MYO10: variants seen among roughly 807,000 people sequenced by gnomAD.
MYO10 encodes myosin X, also known as unconventional myosin-X.
In MYO10, 133 loss-of-function variants were observed where a neutral mutation model predicts 257.3. The observed-to-expected ratio is 0.52, with a 90% CI of 0.45 to 0.60. The LOEUF (loss-of-function observed/expected upper bound fraction) is 0.60. Ranked by LOEUF, MYO10 falls within the 20% of genes least tolerant of loss-of-function variation. The pLI is 0.00. For missense variants in MYO10, 2,399 were observed against 2,635.7 expected (o/e 0.91, Z 1.97); for synonymous variants, 1,104 against 1,028.6 (o/e 1.07, Z -1.40).
chr5:16,704,358 C>T (rs535515611), intron 22 of MYO10, among the ~76,000 whole-genome samples: 2 of 152,234 alleles, frequency 1.3e-5, no homozygotes, highest in African/African-American at 4.8e-5. Context: ...GAGTTCCCTG[C>T]TGTCACTGTT....
intron 27 of MYO10, among the ~76,000 whole-genome samples, chr5:16,690,918 T>C (rs145056777): frequency 2.6e-5 from 4 of 152,108 alleles, no homozygotes; most frequent in African/African-American, 9.6e-5. Flanking sequence ...GAGATAGTAA[T>C]ACGTTTGATG....
intron 1 of MYO10, among the ~76,000 whole-genome samples, chr5:16,910,401 AG>A (rs1745628042): frequency 6.6e-6 from 1 of 152,190 alleles, no homozygotes; most frequent in Admixed American, 6.5e-5. Context: ...ACAAATGACC[AG>A]GTCAGAGATC....
chr5:16,733,704 A>ATTT (rs1739676666), intron 19 of MYO10, among the ~76,000 whole-genome samples: 2 of 152,240 alleles, frequency 1.3e-5, no homozygotes, highest in Non-Finnish European at 2.9e-5. Context: ...GTTAAGTATA[A>ATTT]ATTAGAAACA....
chr5:16,772,534 A>G (rs1316112551), intron 9 of MYO10, among the ~76,000 whole-genome samples: 1 of 152,232 alleles, frequency 6.6e-6, no homozygotes, highest in Non-Finnish European at 1.5e-5. Context: ...TTGTACCTAT[A>G]TTATTTTTAA....
intron 19 of MYO10, among the ~76,000 whole-genome samples, chr5:16,719,373 A>G (rs1220154660): frequency 6.6e-6 from 1 of 152,192 alleles, no homozygotes; most frequent in African/African-American, 2.4e-5. Context: ...GTGTCTGAGC[A>G]TGAGATGACA....
Position 16,794,669 on chromosome 5 carries a change from G to A in MYO10, c.444C>T (p.His148=), listed in dbSNP as rs1464398679. The stretch of plus-strand genomic sequence containing the variant: ...ACCTGATGAGGATGCACTGGTTGTC[G>A]TGGCGCTTCCACAGGCAGCGGTAGC... ...NECYRCLWKR[H]DNQCILISGE... is the part of the protein sequence containing the mutation. The change falls in exon 4 of 41, where the codon CAC becomes CAT. Residue 148 remains histidine (H), a synonymous_variant. Transcript: ENST00000513610. 7 of 1,612,044 alleles carry A rather than the reference G, an allele frequency of 4.3e-6. No homozygotes were observed. Among genetic ancestry groups the A allele is most frequent in the Middle Eastern group, 3.4e-4 (2 of 5,952 alleles).
At chr5:16,738,734 T>C (rs894142865) in intron 19 of MYO10, among the ~76,000 whole-genome samples, 1 of 151,634 alleles carries the variant, frequency 6.6e-6, no homozygotes, top group Non-Finnish European at 1.5e-5. Flanking sequence ...CTACTAAAAA[T>C]GCAAAAATTA....
At chr5:16,681,020 GATGAAAACAGTAT>G (rs1459406911) in intron 32 of MYO10, among the ~76,000 whole-genome samples, 1 of 152,216 alleles carries the variant, frequency 6.6e-6, no homozygotes, top group African/African-American at 2.4e-5. Flanking sequence ...AAATTAAAAG[GATGAAAACAGTAT>G]ATGAAAACCA....
chr5:16,788,439 G>A (rs922957573), intron 4 of MYO10, among the ~76,000 whole-genome samples: 3 of 152,152 alleles, frequency 2.0e-5, no homozygotes, highest in Non-Finnish European at 1.5e-5. Flanking sequence ...ATTTGGTGGC[G>A]GCGGGGAAGA....
intron 19 of MYO10, among the ~76,000 whole-genome samples, chr5:16,726,218 A>G (rs1438186496): frequency 2.0e-5 from 3 of 152,148 alleles, no homozygotes; most frequent in Non-Finnish European, 2.9e-5. Context: ...TCATCTGTGG[A>G]CGATCATCAA....
At chr5:16,811,789 G>A (rs972573433) in intron 3 of MYO10, among the ~76,000 whole-genome samples, 1 of 152,070 alleles carries the variant, frequency 6.6e-6, no homozygotes, top group African/African-American at 2.4e-5. Context: ...GGGCTCAAGC[G>A]ATCCTCCCGC....
At chr5:16,911,905 G>A (rs1208247169) in intron 1 of MYO10, among the ~76,000 whole-genome samples, 1 of 152,100 alleles carries the variant, frequency 6.6e-6, no homozygotes, top group Non-Finnish European at 1.5e-5. Context: ...GGGTGTGGTG[G>A]TGGGCACCTG....
intron 2 of MYO10, among the ~76,000 whole-genome samples, chr5:16,821,858 G>C (rs1019018363): frequency 6.6e-6 from 1 of 151,690 alleles, no homozygotes; most frequent in African/African-American, 2.4e-5. Context: ...CAGGACCACA[G>C]GAAGACAGAA....
rs34050297 is a variant in MYO10 at position 16,902,212 on chromosome 5, A to ATT, written c.22-24507_22-24506dup. Reference sequence around the variant, plus strand: ...AGGTGCCCACCACCAGGCCCGGCTAATTTTTTTTTTTTTAAAGTACAATTT... The same window carrying ATT: ...AGGTGCCCACCACCAGGCCCGGCTAATTTTTTTTTTTTTTTAAAGTACAATTT... On this transcript the variant is annotated intron_variant, in intron 1 of 40. Transcript: ENST00000513610. 2,728 of 574,698 alleles carry ATT rather than the reference A, an allele frequency of 4.7e-3. 2 individuals are homozygous for ATT. The highest frequency in any genetic ancestry group is 7.5e-3 in the Admixed American group (278 of 36,856). The allele number at this position is 574,698 out of a possible 1,614,324, so 35.6% of individuals were successfully genotyped here. A position where few individuals can be genotyped will look rare whatever the true frequency, so the allele number is the denominator to read the frequency against.
intron 17 of MYO10, among the ~76,000 whole-genome samples, chr5:16,760,159 T>C (rs1356799190): frequency 6.6e-6 from 1 of 151,800 alleles, no homozygotes; most frequent in African/African-American, 2.4e-5. Context: ...CTCCTAAAAA[T>C]AGTACACTTC....
intron 19 of MYO10, among the ~76,000 whole-genome samples, chr5:16,747,178 G>A (rs1740219428): frequency 6.6e-6 from 1 of 152,168 alleles, no homozygotes; most frequent in Non-Finnish European, 1.5e-5. Context: ...TCAGCTGAGG[G>A]AGGTAGACAG....
At chr5:16,904,932 A>T (rs1028149219) in intron 1 of MYO10, among the ~76,000 whole-genome samples, 2 of 152,174 alleles carry the variant, frequency 1.3e-5, no homozygotes, top group African/African-American at 4.8e-5. Context: ...CCATCTCAAA[A>T]AAAAAGAAGT....
chr5:16,765,168 A>G (rs981699484), intron 11 of MYO10, among the ~76,000 whole-genome samples: 1 of 152,188 alleles, frequency 6.6e-6, no homozygotes, highest in African/African-American at 2.4e-5. Flanking sequence ...TGAAGGATAC[A>G]AAGTATTAAT....
intron 2 of MYO10, among the ~76,000 whole-genome samples, chr5:16,824,212 A>C (rs1742930637): frequency 6.6e-6 from 1 of 152,228 alleles, no homozygotes; most frequent in African/African-American, 2.4e-5. Context: ...CCTAATCGCT[A>C]GATGACATAC....
Sources: allele counts gnomAD v4.1 joint callset (sites outside exome capture counted in the v4.1 genomes callset), GRCh38; gene constraint gnomAD v4.1.1; transcripts MANE v1.5; gene names NCBI Gene and HGNC (gene_info 2026-07-23, HGNC 2026-07-21).